Variants in GPR39 observed in about 807,000 individuals in gnomAD.
GPR39 encodes the protein zinc sensing receptor.
A neutral mutation model predicts 18.4 loss-of-function variants in GPR39; 23 were observed. The observed-to-expected ratio is 1.25, with a 90% CI of 0.90 to 1.77. The LOEUF (loss-of-function observed/expected upper bound fraction) is 1.77, where lower values mean the gene tolerates loss of function less well. Among genes scored for constraint, GPR39 ranks in the 40% most tolerant of loss-of-function variants. The pLI is 0.00. For missense variants in GPR39, 647 were observed against 602.4 expected (o/e 1.07, Z -0.78); for synonymous variants, 280 against 257.9 (o/e 1.09, Z -0.82).
In GPR39 at chr2:132,502,588, G is replaced by T. The variant is rs1679064256; in HGVS notation, c.856+84690G>T. ...GCAATGAATTTCCCAAGTGTTCTTT[G>T]GGCGTCTTATATTTGGATATCTGGA... On this transcript the variant is annotated intron_variant, in intron 1 of 1. Coordinates refer to ENST00000329321, the MANE Select transcript of GPR39 (RefSeq NM_001508.3). 3.9e-5 allele frequency among the ~76,000 whole-genome samples: 6 copies of T among 152,108 alleles called. No individual in the cohort carries two copies. The South Asian group carries it at 1.2e-3, about 32-fold the overall frequency.
At chr2:132,428,469 A>G (rs1335414545) in intron 1 of GPR39, among the ~76,000 whole-genome samples, 1 of 152,164 alleles carries the variant, frequency 6.6e-6, no homozygotes, top group Admixed American at 6.5e-5. Flanking sequence ...GTTCTAGTAA[A>G]TGTTCTGCCA....
chr2:132,556,124 T>C (rs1456136126), intron 1 of GPR39, among the ~76,000 whole-genome samples: 2 of 152,154 alleles, frequency 1.3e-5, no homozygotes, highest in Non-Finnish European at 2.9e-5. Flanking sequence ...TCAAGAAAAT[T>C]TGCTTCAATG....
chr2:132,574,501 C>A (rs13397324), intron 1 of GPR39, among the ~76,000 whole-genome samples: 1 of 152,186 alleles, frequency 6.6e-6, no homozygotes, highest in Admixed American at 6.5e-5. Context: ...GAGGCTGAGG[C>A]AGGCAGATCT....
chr2:132,461,546 A>G (rs534625349), intron 1 of GPR39, among the ~76,000 whole-genome samples: 37 of 152,348 alleles, frequency 2.4e-4, no homozygotes, highest in Admixed American at 1.9e-3. Context: ...AGCTGTAATC[A>G]TTTTGGTCTG....
At chr2:132,614,820 C>A (rs971978024) in intron 1 of GPR39, among the ~76,000 whole-genome samples, 7 of 152,156 alleles carry the variant, frequency 4.6e-5, no homozygotes, top group African/African-American at 1.4e-4. Context: ...GGATTACAGG[C>A]ATGAGCCACC....
intron 1 of GPR39, among the ~76,000 whole-genome samples, chr2:132,639,149 G>A (rs1355158771): frequency 4.6e-5 from 7 of 152,124 alleles, no homozygotes; most frequent in African/African-American, 1.7e-4. Context: ...ACCTTGTACA[G>A]CTCAGCTTTG....
intron 1 of GPR39, among the ~76,000 whole-genome samples, chr2:132,562,491 T>G (rs751316534): frequency 8.5e-5 from 13 of 152,082 alleles, no homozygotes; most frequent in Non-Finnish European, 1.5e-4. Context: ...TTTCTTACGG[T>G]TCTCTGCATT....
chr2:132,583,683 C>T (rs1680669366), intron 1 of GPR39, among the ~76,000 whole-genome samples: 1 of 151,750 alleles, frequency 6.6e-6, no homozygotes, highest in Non-Finnish European at 1.5e-5. Flanking sequence ...GATGACCTGA[C>T]TGCTCTGTGA....
At chr2:132,445,579 C>T (rs192419987) in intron 1 of GPR39, among the ~76,000 whole-genome samples, 1 of 152,252 alleles carries the variant, frequency 6.6e-6, no homozygotes, top group East Asian at 1.9e-4. Flanking sequence ...ACATTTATGC[C>T]TGTTTTCTAG....
intron 1 of GPR39, among the ~76,000 whole-genome samples, chr2:132,534,963 C>A (rs558442073): frequency 6.6e-6 from 1 of 150,850 alleles, no homozygotes; most frequent in East Asian, 2.0e-4. Context: ...ACGTTGTGCA[C>A]ATGTACCCTA....
intron 1 of GPR39, among the ~76,000 whole-genome samples, chr2:132,471,861 G>A (rs1397413315): frequency 6.6e-6 from 1 of 152,096 alleles, no homozygotes; most frequent in Non-Finnish European, 1.5e-5. Context: ...CATTTTATAA[G>A]CCTTTGCTCA....
chr2:132,561,746 C>T (rs945155505), intron 1 of GPR39, among the ~76,000 whole-genome samples: 12 of 152,116 alleles, frequency 7.9e-5, no homozygotes, highest in African/African-American at 1.9e-4. Context: ...CGAAAGCTGA[C>T]GGTATAAGTT....
At chr2:132,569,474 C>A (rs1680405736) in intron 1 of GPR39, among the ~76,000 whole-genome samples, 1 of 152,008 alleles carries the variant, frequency 6.6e-6, no homozygotes, top group Admixed American at 6.6e-5. Flanking sequence ...CGGGACCACA[C>A]CTCCCTTAAG....
intron 1 of GPR39, among the ~76,000 whole-genome samples, chr2:132,444,406 T>C (rs1358449473): frequency 6.6e-6 from 1 of 152,088 alleles, no homozygotes; most frequent in Non-Finnish European, 1.5e-5. Flanking sequence ...TCTTCCCACC[T>C]CAGTCTCCCA....
At chr2:132,455,790 T>A (rs1680711630) in intron 1 of GPR39, among the ~76,000 whole-genome samples, 1 of 152,204 alleles carries the variant, frequency 6.6e-6, no homozygotes, top group Non-Finnish European at 1.5e-5. Flanking sequence ...GTTGTGCGGT[T>A]TTGAGTGAGT....
At chr2:132,507,985 C>A (rs532008712) in intron 1 of GPR39, among the ~76,000 whole-genome samples, 7 of 152,124 alleles carry the variant, frequency 4.6e-5, no homozygotes, top group Admixed American at 1.3e-4. Context: ...TTGGTTGAAT[C>A]GTTGGCCATG....
intron 1 of GPR39, among the ~76,000 whole-genome samples, chr2:132,463,344 C>CTTT (rs1680866962): frequency 6.7e-6 from 1 of 149,074 alleles, no homozygotes; most frequent in Admixed American, 6.6e-5. Context: ...GGTGTGAGGT[C>CTTT]TTTGGAGGGC....
intron 1 of GPR39, among the ~76,000 whole-genome samples, chr2:132,600,318 A>C (rs890839398): frequency 6.6e-6 from 1 of 152,232 alleles, no homozygotes; most frequent in South Asian, 2.1e-4. Flanking sequence ...CAAATAAACA[A>C]CCTAACAATG....
intron 1 of GPR39, among the ~76,000 whole-genome samples, chr2:132,581,176 C>T (rs1440292181): frequency 2.0e-5 from 3 of 151,966 alleles, no homozygotes; most frequent in Admixed American, 1.3e-4. Context: ...CAGTGACTTT[C>T]TTTCTGCGGG....
Sources: gnomAD v4.1 joint callset for allele counts (sites outside exome capture counted in the v4.1 genomes callset) on GRCh38, gnomAD v4.1.1 for gene constraint, MANE v1.5 for transcripts, NCBI Gene and HGNC (gene_info 2026-07-23, HGNC 2026-07-21) for gene names.